CDH18: variants seen among roughly 807,000 people sequenced by gnomAD.
CDH18 encodes cadherin 18, also known as cadherin-18.
Under a neutral mutation model 67.9 loss-of-function variants are expected in CDH18, and 31 were observed. The observed-to-expected ratio is 0.46, with a 90% CI of 0.34 to 0.62. The LOEUF is 0.62. CDH18 is among the 20% of genes least tolerant of loss of function. The pLI is 0.01. For missense variants in CDH18, 890 were observed against 975.5 expected, an observed-to-expected ratio of 0.91 and a Z score of 1.17; for synonymous variants, 362 against 347.2, an observed-to-expected ratio of 1.04 and a Z score of -0.48.
intron 5 of CDH18, among the ~76,000 whole-genome samples, chr5:19,659,542 T>C (rs1200194566): frequency 6.6e-6 from 1 of 152,040 alleles, no homozygotes; most frequent in Non-Finnish European, 1.5e-5. Flanking sequence ...ATTATTATGG[T>C]TTGAAAGTTT....
intron 5 of CDH18, among the ~76,000 whole-genome samples, chr5:19,698,074 T>C (rs1762766656): frequency 6.6e-6 from 1 of 152,208 alleles, no homozygotes; most frequent in Admixed American, 6.5e-5. Flanking sequence ...ACTGTTTATA[T>C]GCACCTATCT....
intron 6 of CDH18, among the ~76,000 whole-genome samples, chr5:19,594,927 G>A (rs933203357): frequency 6.6e-6 from 1 of 151,934 alleles, no homozygotes; most frequent in African/African-American, 2.4e-5. Context: ...AGTACTGGAA[G>A]ACATAGCCAG....
chr5:20,366,728 T>C (rs1312903745), intron 1 of CDH18, among the ~76,000 whole-genome samples: 1 of 152,170 alleles, frequency 6.6e-6, no homozygotes, highest in Non-Finnish European at 1.5e-5. Flanking sequence ...GGTTCCTGAG[T>C]ATATTCAATT....
At chr5:20,443,106 AGGCTGAGGAAGGAGAAT>A (rs1749734341) in intron 1 of CDH18, among the ~76,000 whole-genome samples, 1 of 141,408 alleles carries the variant, frequency 7.1e-6, no homozygotes, top group Non-Finnish European at 1.5e-5. Flanking sequence ...GCTACTTGGG[AGGCTGAGGAAGGAGAAT>A]GGCGTGAACC....
chr5:20,434,623 A>G (rs2150181168), intron 1 of CDH18, among the ~76,000 whole-genome samples: 1 of 152,164 alleles, frequency 6.6e-6, no homozygotes, highest in African/African-American at 2.4e-5. Flanking sequence ...AACTGTCAAA[A>G]CAACTAAAAA....
chr5:20,171,212 A>C (rs1435028681), intron 2 of CDH18, among the ~76,000 whole-genome samples: 1 of 152,056 alleles, frequency 6.6e-6, no homozygotes, highest in African/African-American at 2.4e-5. Flanking sequence ...AGAATGATTT[A>C]TATTCCTTTG....
intron 2 of CDH18, among the ~76,000 whole-genome samples, chr5:20,082,874 T>A (rs912597837): frequency 2.0e-5 from 3 of 152,120 alleles, no homozygotes; most frequent in Non-Finnish European, 4.4e-5. Context: ...ATGGAACAGA[T>A]TCCTCCCCAC....
intron 2 of CDH18, among the ~76,000 whole-genome samples, chr5:20,104,510 T>C (rs1746759320): frequency 6.6e-6 from 1 of 152,220 alleles, no homozygotes; most frequent in Non-Finnish European, 1.5e-5. Flanking sequence ...AATACTCTGA[T>C]GACTTCTCAC....
chr5:20,069,890 C>G (rs902605702), intron 2 of CDH18, among the ~76,000 whole-genome samples: 1 of 152,134 alleles, frequency 6.6e-6, no homozygotes, highest in East Asian at 1.9e-4. Context: ...ATATTGACAC[C>G]GAAATGATCA....
chr5:20,483,338 G>C lies in CDH18; in HGVS notation c.-580+92124C>G, dbSNP rs184221974. On this transcript the variant is annotated intron_variant, in intron 1 of 14. Coordinates refer to the CDH18 transcript ENST00000507958. Reference sequence around the variant, plus strand: ...GAATCAATGTTGTTAAAATTTCCATGCTATGCAAAGCAATAAACAGATTCA... The same window carrying C: ...GAATCAATGTTGTTAAAATTTCCATCCTATGCAAAGCAATAAACAGATTCA... 2.3e-3 allele frequency among the ~76,000 whole-genome samples: 348 copies of C among 152,010 alleles called. 3 individuals carry two copies. Among genetic ancestry groups the C allele is most frequent in the African/African-American group, 7.8e-3 (326 of 41,540 alleles).
intron 2 of CDH18, among the ~76,000 whole-genome samples, chr5:20,173,042 A>G (rs910183789): frequency 3.3e-5 from 5 of 152,090 alleles, no homozygotes; most frequent in African/African-American, 1.2e-4. Flanking sequence ...GTCTAATAAA[A>G]GTACTAAACA....
chr5:19,552,398 T>C (rs1271166196), intron 8 of CDH18, among the ~76,000 whole-genome samples: 2 of 152,136 alleles, frequency 1.3e-5, no homozygotes, highest in Non-Finnish European at 2.9e-5. Flanking sequence ...TAGACTTCAG[T>C]TTAAATCTAA....
intron 1 of CDH18, among the ~76,000 whole-genome samples, chr5:20,486,065 A>T (rs1449854968): frequency 6.6e-6 from 1 of 152,198 alleles, no homozygotes; most frequent in Non-Finnish European, 1.5e-5. Flanking sequence ...GAGTTGCTGT[A>T]CCAGCGTGGA....
At chr5:19,828,808 G>A (rs899092971) in intron 3 of CDH18, among the ~76,000 whole-genome samples, 7 of 152,076 alleles carry the variant, frequency 4.6e-5, no homozygotes, top group Non-Finnish European at 1.0e-4. Context: ...AGGCCAAGGC[G>A]GGAGGATCAC....
intron 2 of CDH18, among the ~76,000 whole-genome samples, chr5:20,232,463 T>C (rs978194479): frequency 6.6e-6 from 1 of 152,136 alleles, no homozygotes; most frequent in Admixed American, 6.5e-5. Flanking sequence ...TTTGTCAAAC[T>C]GCCATTAGAG....
chr5:20,166,356 G>A (rs1286056195), intron 2 of CDH18, among the ~76,000 whole-genome samples: 1 of 147,142 alleles, frequency 6.8e-6, no homozygotes. Context: ...CAGGAGAATC[G>A]CTTGAACCTG....
At chr5:19,881,382 C>A (rs1396141997) in intron 2 of CDH18, among the ~76,000 whole-genome samples, 1 of 151,912 alleles carries the variant, frequency 6.6e-6, no homozygotes, top group Non-Finnish European at 1.5e-5. Flanking sequence ...CTAGTAGAAA[C>A]TATAACATCA....
rs1736831129 is a variant in CDH18 at position 20,172,214 on chromosome 5, A to ATATATATACG, written c.-518+83229_-518+83230insCGTATATATA. On this transcript the variant is annotated intron_variant, in intron 2 of 14. Coordinates refer to the CDH18 transcript ENST00000507958. ...TGTATATATATATATATATATATAT[A>ATATATATACG]TATATATATGTATATATATATATAT... Among the ~76,000 whole-genome samples the ATATATATACG allele has an allele frequency of 4.5e-3, 149 of 32,852 alleles. 6 individuals are homozygous for ATATATATACG. The highest frequency in any genetic ancestry group is 6.1e-3 in the Non-Finnish European group (101 of 16,650). The allele number at this position is 32,852 out of a possible 152,430, so 21.6% of individuals were successfully genotyped here. A position where few individuals can be genotyped will look rare whatever the true frequency, so the allele number is the denominator to read the frequency against.
At chr5:20,471,832 C>CT (rs1554005521) in intron 1 of CDH18, among the ~76,000 whole-genome samples, 1 of 14,874 alleles carries the variant, frequency 6.7e-5, no homozygotes, top group African/African-American at 1.6e-4. Context: ...GAGATTCAGT[C>CT]TAAAAAAAAA....
Sources: gnomAD v4.1 joint callset for allele counts (sites outside exome capture counted in the v4.1 genomes callset) on GRCh38, gnomAD v4.1.1 for gene constraint, MANE v1.5 for transcripts, NCBI Gene and HGNC (gene_info 2026-07-23, HGNC 2026-07-21) for gene names.